DLX5: variants seen among roughly 807,000 people sequenced by gnomAD.
DLX5 encodes distal-less homeobox 5.
A neutral mutation model predicts 27.1 loss-of-function variants in DLX5; 8 were observed. The ratio of observed to expected loss-of-function variants is 0.30; its 90% confidence interval spans 0.17 to 0.53. The LOEUF (loss-of-function observed/expected upper bound fraction) is 0.53. DLX5 is among the 20% of genes least tolerant of loss of function. DLX5 has a pLI of 0.95. For missense variants in DLX5, 339 were observed against 375.1 expected (o/e 0.90, Z 0.80); for synonymous variants, 178 against 161.9 (o/e 1.10, Z -0.75).
chr7:97,022,881 A>T (rs1160026892), intron 1 of DLX5, among the ~76,000 whole-genome samples: 1 of 152,098 alleles, frequency 6.6e-6, no homozygotes, highest in Non-Finnish European at 1.5e-5. Flanking sequence ...CCACAAGCAA[A>T]CTGCTCCTTC....
chr7:97,023,007 C>T (rs1416053163), intron 1 of DLX5, among the ~76,000 whole-genome samples: 3 of 111,578 alleles, frequency 2.7e-5, no homozygotes, highest in Non-Finnish European at 3.5e-5. Flanking sequence ...TACAAATAGA[C>T]TTAATATGTT....
chr7:97,022,809 C>T (rs1278360672), intron 1 of DLX5, among the ~76,000 whole-genome samples: 10 of 152,262 alleles, frequency 6.6e-5, no homozygotes, highest in Non-Finnish European at 1.3e-4. Flanking sequence ...TGTTCGGGCG[C>T]CCGCAGAAGC....
At position 97,020,955 on chromosome 7, in the gene DLX5, C is replaced by A. The variant is rs1481006632; in HGVS notation, c.651G>T (p.Ser217=). 6.2e-7 allele frequency: 1 copy of A among 1,613,826 alleles called. No individual in the cohort carries two copies. Among genetic ancestry groups the A allele is most frequent in the Admixed American group, 1.7e-5 (1 of 60,016 alleles). Residue 217 remains serine (S), a synonymous_variant, in exon 3 of 3, where the codon TCG becomes TCT. Transcript: ENST00000648378. ...GCTCCCACACCGCTGGAGACTGCGG[C>A]GAGTTACACGCCATTGGGTCGCTGG... ...PSSSDPMACN[S]PQSPAVWEPQ...
In DLX5 at chr7:97,024,569, C is replaced by T. The variant is rs1358516425; in HGVS notation, c.55G>A (p.Ala19Thr). Residue 19 changes from alanine (A) to threonine (T), a missense_variant, in exon 1 of 3, where the codon GCT (alanine) becomes ACT (threonine). Transcript: ENST00000648378. This position sits in a 1 kb window ranked among gnomAD's most constrained non-coding sequence, Gnocchi z 4.6. ...ATAGCTGCGGACGTCTGGAACGGAG[C>T]TTGGAAGTCGCCGGATCGGATGCTG... is the stretch of plus-strand genomic sequence containing the variant. ...VPSIRSGDFQAPFQTSAAMHH... is the reference protein window; with the variant it reads ...VPSIRSGDFQTPFQTSAAMHH... 4 of 1,610,122 alleles carry T rather than the reference C, an allele frequency of 2.5e-6. No individual in the cohort carries two copies. Among genetic ancestry groups the T allele is most frequent in the Non-Finnish European group, 3.4e-6 (4 of 1,176,760 alleles).
chr7:97,022,070 T>G, intron 2 of DLX5, 115 bp downstream of exon 2: 1 of 1,253,834 alleles, frequency 8.0e-7, no homozygotes, highest in Non-Finnish European at 1.2e-6. Flanking sequence ...TCTTTGGGTC[T>G]GTTAGTTTCT....
chr7:97,022,495 A>C, intron 1 of DLX5, 126 bp from the exon 2 acceptor site: 1 of 1,501,948 alleles, frequency 6.7e-7, no homozygotes, highest in East Asian at 2.3e-5. Flanking sequence ...TATCACCACC[A>C]CCTTTGCTTT....
Position 97,020,559 on chromosome 7 carries a change from C to T in DLX5, c.*177G>A. ...GTGTCCACAGTTGCGCAAAAAAAGT[C>T]CTCTGTAAAAAAAGGGGGGGTCTTT... On this transcript the variant is annotated 3_prime_UTR_variant, in exon 3 of 3. Transcript: ENST00000648378. 1 of 611,546 alleles carries T rather than the reference C, an allele frequency of 1.6e-6. No individual in the cohort carries two copies. Among genetic ancestry groups the T allele is most frequent in the South Asian group, 4.0e-5 (1 of 25,062 alleles). The allele number at this position is 611,546 out of a possible 1,614,324, so 37.9% of individuals were successfully genotyped here. A position where few individuals can be genotyped will look rare whatever the true frequency, so the allele number is the denominator to read the frequency against.
chr7:97,022,887 C>T (rs1420255295), intron 1 of DLX5, among the ~76,000 whole-genome samples: 1 of 152,186 alleles, frequency 6.6e-6, no homozygotes, highest in Non-Finnish European at 1.5e-5. Flanking sequence ...GCAAACTGCT[C>T]CTTCACTTCA....
intron 1 of DLX5, chr7:97,022,653 G>A (rs1034569115): frequency 1.5e-5 from 14 of 960,678 alleles, no homozygotes; most frequent in African/African-American, 1.8e-5. Flanking sequence ...CAGCTCTTGC[G>A]GTCGTTGCTT....
chr7:97,021,782 T>G (rs1197483159), intron 2 of DLX5, among the ~76,000 whole-genome samples: 1 of 152,182 alleles, frequency 6.6e-6, no homozygotes, highest in Non-Finnish European at 1.5e-5. Flanking sequence ...CAGCCTTTTC[T>G]TAGCCTGAGA....
intron 2 of DLX5, 200 bp downstream of exon 2, chr7:97,021,985 T>A: frequency 1.5e-6 from 1 of 651,248 alleles, no homozygotes; most frequent in South Asian, 1.9e-5. Flanking sequence ...GTGGGAGGTA[T>A]CTCCAGACCG....
Position 97,020,685 on chromosome 7 carries a change from A to T in DLX5, c.*51T>A, listed in dbSNP as rs1790024992. The T allele has an allele frequency of 3.4e-6, 5 of 1,455,006 alleles. No homozygotes were observed. Among genetic ancestry groups the T allele is most frequent in the Non-Finnish European group, 4.6e-6 (5 of 1,092,796 alleles). The allele number at this position is 1,455,006 out of a possible 1,614,324, so 90.1% of individuals were successfully genotyped here. On this transcript the variant is annotated 3_prime_UTR_variant, in exon 3 of 3. Coordinates refer to ENST00000648378, the MANE Select transcript of DLX5 (RefSeq NM_005221.6). ...AATTCCTTTCTTTATGATTTTCTAG[A>T]ACAGCAAAACACAGTAGTCCCAAAA...
chr7:97,022,451 A>C, intron 1 of DLX5, 82 bp from the exon 2 acceptor site: 1 of 1,581,478 alleles, frequency 6.3e-7, no homozygotes, highest in Non-Finnish European at 8.6e-7. Context: ...AGAGTCCTAG[A>C]GTTTCTTACC....
chr7:97,023,610 T>G (rs961428913), intron 1 of DLX5, among the ~76,000 whole-genome samples: 4 of 151,990 alleles, frequency 2.6e-5, no homozygotes, highest in Admixed American at 1.3e-4. Context: ...AGACAAATTG[T>G]GGGCGCCTAT....
rs765898430 is a variant in DLX5, at chr7:97,022,189, G to A, written c.536C>T (p.Thr179Ile). The part of the protein sequence containing the change: ...ELAASLGLTQ[T>I]QVKIWFQNKR... ...GCATGGCAGCGCCGTATTTACCTGT[G>A]TTTGTGTCAATCCCAGCGAGGCGGC... The change falls in exon 2 of 3, where the codon ACA becomes ATA. Residue 179 changes from threonine to isoleucine, a missense_variant. Physicochemically the swap from Thr to Ile is moderately conservative, Grantham distance 89 (BLOSUM62 -1). Transcript: ENST00000648378. The A allele has an allele frequency of 1.0e-4, 165 of 1,614,012 alleles. No individual in the cohort carries two copies. The highest frequency in any genetic ancestry group is 1.4e-4 in the Non-Finnish European group (160 of 1,180,054).
Position 97,024,336 on chromosome 7 carries a change from G to T in DLX5, c.288C>A (p.Ser96Arg). ...CGTACTGGTGGTAGGAGCTAGCGTAGCTATAGTCGGCATAAGCTTTGGCTG... is the reference window on the plus strand; with the variant it reads ...CGTACTGGTGGTAGGAGCTAGCGTATCTATAGTCGGCATAAGCTTTGGCTG... ...SYPAKAYADY[S>R]YASSYHQYGG... The change falls in exon 1 of 3, where the codon AGC becomes AGA. Residue 96 changes from serine (S) to arginine (R), a missense_variant. Coordinates refer to ENST00000648378, the MANE Select transcript of DLX5 (RefSeq NM_005221.6). The surrounding 1 kb of genome is among the most constrained non-coding windows in gnomAD (Gnocchi z 4.6). 6.2e-7 allele frequency: 1 copy of T among 1,614,216 alleles called. No homozygotes were observed.
intron 2 of DLX5, 77 bp from the exon 3 acceptor site, chr7:97,021,142 G>C (rs776028268): frequency 3.6e-6 from 5 of 1,385,854 alleles, no homozygotes; most frequent in Non-Finnish European, 4.9e-6. Flanking sequence ...GGCGACTGGA[G>C]GCATCTTCGG....
chr7:97,021,137 C>T lies in DLX5; in HGVS notation c.541-72G>A, dbSNP rs572013953. On this transcript the variant is annotated intron_variant, in intron 2 of 2. Coordinates refer to ENST00000648378, the MANE Select transcript of DLX5 (RefSeq NM_005221.6). ...GCCCGCGCCTTCCCCGGGGCGGCGACTGGAGGCATCTTCGGACCTCTGGGC... is the reference window on the plus strand; with the variant it reads ...GCCCGCGCCTTCCCCGGGGCGGCGATTGGAGGCATCTTCGGACCTCTGGGC... The T allele has an allele frequency of 4.8e-5, 68 of 1,422,562 alleles. No individual in the cohort carries two copies. In the African/African-American group the frequency reaches 9.5e-4, roughly 20 times the overall value. The allele number at this position is 1,422,562 out of a possible 1,614,324, so 88.1% of individuals were successfully genotyped here. A position where few individuals can be genotyped will look rare whatever the true frequency, so the allele number is the denominator to read the frequency against.
Position 97,024,582 on chromosome 7 carries a change from G to A in DLX5, c.42C>T (p.Ser14=), listed in dbSNP as rs764265120. 2.5e-6 allele frequency: 4 copies of A among 1,607,048 alleles called. No individual in the cohort carries two copies. Among genetic ancestry groups the A allele is most frequent in the South Asian group, 1.1e-5 (1 of 90,842 alleles). ...TCTGGAACGGAGCTTGGAAGTCGCC[G>A]GATCGGATGCTGGGGACCCTTCTGT... ...VFDRRVPSIR[S]GDFQAPFQTS... Residue 14 remains serine (S), a synonymous_variant, in exon 1 of 3, where the codon TCC becomes TCT. Transcript: ENST00000648378. This position sits in a 1 kb window ranked among gnomAD's most constrained non-coding sequence, Gnocchi z 4.6.
Sources: allele counts gnomAD v4.1 joint callset (sites outside exome capture counted in the v4.1 genomes callset), GRCh38; gene constraint gnomAD v4.1.1; non-coding constraint Gnocchi (gnomAD v3.1); transcripts MANE v1.5; gene names NCBI Gene and HGNC (gene_info 2026-07-23, HGNC 2026-07-21).